The following SND1 variants were observed in gnomAD, a reference collection of about 807,000 sequenced individuals.
The protein encoded by SND1 is staphylococcal nuclease and tudor domain containing 1.
A neutral mutation model predicts 121.7 loss-of-function variants in SND1; 38 were observed. That is an observed-to-expected ratio of 0.31 (90% CI 0.24 to 0.41). SND1 has a LOEUF of 0.41. SND1 is among the 10% of genes least tolerant of loss of function. The pLI, the probability that SND1 is intolerant of heterozygous loss-of-function variation, is 1.00. For synonymous variants in SND1, 401 were observed against 447.4 expected (o/e 0.90, Z 1.31); for missense variants, 868 against 1,184.6 (o/e 0.73, Z 3.92).
chr7:127,767,470 TG>T (rs1431149119), intron 10 of SND1, among the ~76,000 whole-genome samples: 1 of 152,224 alleles, frequency 6.6e-6, no homozygotes. Context: ...GTCTTTGAAA[TG>T]GTAGACTTCC....
chr7:127,843,534 A>G (rs1799002034), intron 11 of SND1, among the ~76,000 whole-genome samples: 1 of 152,170 alleles, frequency 6.6e-6, no homozygotes, highest in East Asian at 1.9e-4. Flanking sequence ...TTAGTAATAT[A>G]TGTCTAAGCT....
intron 15 of SND1, among the ~76,000 whole-genome samples, chr7:127,956,474 A>G (rs1156979815): frequency 6.6e-6 from 1 of 152,252 alleles, no homozygotes; most frequent in African/African-American, 2.4e-5. Flanking sequence ...CACTCCAGGC[A>G]GTGAGCATCT....
Position 128,074,609 on chromosome 7 carries a change from G to A in SND1, c.1887G>A (p.Lys629=), listed in dbSNP as rs772358664. Residue 629 remains lysine (K), a synonymous_variant, in exon 17 of 24, where the codon AAG becomes AAA. Transcript: ENST00000354725. ...TGCTGGTGGAGCACGCGCTCTCCAA[G>A]GTCCACTTCACCGCCGAACGCAGCT... is the stretch of plus-strand genomic sequence containing the variant. ...SVLLVEHALS[K]VHFTAERSSY... is the part of the protein sequence containing the mutation. 5.6e-6 allele frequency: 9 copies of A among 1,613,910 alleles called. No individual in the cohort carries two copies. The highest frequency in any genetic ancestry group is 1.1e-5 in the South Asian group (1 of 91,082).
intron 15 of SND1, among the ~76,000 whole-genome samples, chr7:127,966,053 T>G (rs1193947572): frequency 7.5e-6 from 1 of 133,430 alleles, no homozygotes; most frequent in Non-Finnish European, 1.6e-5. Context: ...TAGAGGTGTT[T>G]GTAGTATTCT....
chr7:127,798,815 C>T (rs1036005045), intron 10 of SND1, among the ~76,000 whole-genome samples: 6 of 152,062 alleles, frequency 3.9e-5, no homozygotes, highest in African/African-American at 9.7e-5. Flanking sequence ...AAGGCTGAGG[C>T]GGGAGGATCA....
chr7:127,925,490 A>G (rs1800810199), intron 14 of SND1, among the ~76,000 whole-genome samples: 2 of 152,204 alleles, frequency 1.3e-5, no homozygotes, highest in Non-Finnish European at 2.9e-5. Context: ...TAGATACATA[A>G]GCAGAAATAT....
chr7:127,858,974 AG>A (rs34532596), intron 12 of SND1, among the ~76,000 whole-genome samples: 1 of 152,206 alleles, frequency 6.6e-6, no homozygotes, highest in Non-Finnish European at 1.5e-5. Context: ...CATAAACTAC[AG>A]GGGATGTGAA....
chr7:128,074,987 G>A (rs764269553), intron 17 of SND1, among the ~76,000 whole-genome samples: 2 of 152,234 alleles, frequency 1.3e-5, no homozygotes, highest in East Asian at 1.9e-4. Context: ...CTAGGTGACT[G>A]TGGAGCCATG....
chr7:127,804,307 G>C (rs1394048004), intron 10 of SND1, among the ~76,000 whole-genome samples: 2 of 152,000 alleles, frequency 1.3e-5, no homozygotes, highest in Non-Finnish European at 1.5e-5. Context: ...CTTGTTTTCT[G>C]CTTGTGCTAT....
At chr7:127,817,176 G>A (rs1290442126) in intron 11 of SND1, among the ~76,000 whole-genome samples, 1 of 152,200 alleles carries the variant, frequency 6.6e-6, no homozygotes, top group South Asian at 2.1e-4. Flanking sequence ...TGTTGTATAA[G>A]AAGTTGAATA....
chr7:127,694,563 CCTG>C (rs1223533123), intron 2 of SND1: 1 of 404,768 alleles, frequency 2.5e-6, no homozygotes, highest in African/African-American at 2.0e-5. Flanking sequence ...GGGAAAAAGT[CCTG>C]CTGCCAGTGT....
chr7:127,765,193 T>G (rs1159884568), intron 10 of SND1, among the ~76,000 whole-genome samples: 1 of 152,134 alleles, frequency 6.6e-6, no homozygotes, highest in African/African-American at 2.4e-5. Flanking sequence ...ACAAGAGACT[T>G]TTTGTGATGT....
chr7:127,908,324 G>A (rs1584658165), intron 14 of SND1, among the ~76,000 whole-genome samples: 2 of 71,224 alleles, frequency 2.8e-5, no homozygotes, highest in African/African-American at 8.5e-5. Flanking sequence ...ATAAATGTGT[G>A]TGTGTGTGTG....
At chr7:127,660,835 G>C (rs1270302536) in intron 1 of SND1, among the ~76,000 whole-genome samples, 1 of 152,146 alleles carries the variant, frequency 6.6e-6, no homozygotes, top group Admixed American at 6.6e-5. Flanking sequence ...AGAGAAAGGA[G>C]CCCAGTGATT....
intron 2 of SND1, among the ~76,000 whole-genome samples, chr7:127,693,688 A>G (rs745837322): frequency 7.9e-5 from 12 of 152,232 alleles, no homozygotes; most frequent in Non-Finnish European, 1.8e-4. Flanking sequence ...TGAAGAGATT[A>G]TAATAGACAA....
At chr7:127,656,722 C>T (rs968823119) in intron 1 of SND1, among the ~76,000 whole-genome samples, 3 of 152,158 alleles carry the variant, frequency 2.0e-5, no homozygotes, top group African/African-American at 7.2e-5. Context: ...AAGTCAGGGA[C>T]CCCGAACAGA....
At chr7:127,921,089 ATTAC>A (rs750419463) in intron 14 of SND1, among the ~76,000 whole-genome samples, 1 of 152,198 alleles carries the variant, frequency 6.6e-6, no homozygotes, top group Non-Finnish European at 1.5e-5. Context: ...AGAATTGGGT[ATTAC>A]TTTATTCACA....
intron 10 of SND1, among the ~76,000 whole-genome samples, chr7:127,760,991 G>A (rs1330654183): frequency 2.0e-5 from 3 of 152,142 alleles, no homozygotes; most frequent in African/African-American, 4.8e-5. Flanking sequence ...CATTTAAACC[G>A]TATAAAAAGA....
At chr7:127,977,264 GAA>G (rs920284230) in intron 15 of SND1, among the ~76,000 whole-genome samples, 18 of 152,156 alleles carry the variant, frequency 1.2e-4, no homozygotes, top group African/African-American at 4.3e-4. Context: ...AAAGAAGAAA[GAA>G]AAAGAGTAGA....
Sources: gnomAD v4.1 joint callset for allele counts (sites outside exome capture counted in the v4.1 genomes callset) on GRCh38, gnomAD v4.1.1 for gene constraint, MANE v1.5 for transcripts, NCBI Gene and HGNC (gene_info 2026-07-23, HGNC 2026-07-21) for gene names.